CREB5: variants seen among roughly 807,000 people sequenced by gnomAD.
The protein encoded by CREB5 is cAMP responsive element binding protein 5, also known as cyclic AMP-responsive element-binding protein 5.
In CREB5, 19 loss-of-function variants were observed where a neutral mutation model predicts 57.1. The ratio of observed to expected loss-of-function variants is 0.33; its 90% CI spans 0.23 to 0.49. The LOEUF is 0.49. Among genes scored for constraint, CREB5 ranks in the 20% least tolerant of loss-of-function variants. The pLI is 0.99. For missense variants in CREB5, 579 were observed against 671.6 expected (o/e 0.86, Z 1.52); for synonymous variants, 238 against 238.3 (o/e 1.00, Z 0.01).
intron 4 of CREB5, among the ~76,000 whole-genome samples, chr7:28,541,180 G>A (rs1794195707): frequency 1.3e-5 from 2 of 152,182 alleles, no homozygotes; most frequent in African/African-American, 4.8e-5. Flanking sequence ...ATTAAATTAA[G>A]TACGGATGAG....
intron 7 of CREB5, among the ~76,000 whole-genome samples, chr7:28,790,489 A>G (rs1025792884): frequency 1.3e-4 from 20 of 152,040 alleles, no homozygotes; most frequent in African/African-American, 4.3e-4. Context: ...AAAGAAAGAA[A>G]GAGAAGGAAA....
rs1294598921 is a variant in CREB5, at chr7:28,818,046, T to C, written c.1255-25T>C. On this transcript the variant is annotated intron_variant, in intron 9 of 10. Coordinates refer to ENST00000357727, the MANE Select transcript of CREB5 (RefSeq NM_182898.4). ...TTTGTATCCTCTGGTCTTCTCAACA[T>C]GGTTTTAATACATATCTCTTTTAGA... The C allele has an allele frequency of 6.9e-6, 11 of 1,585,792 alleles. No homozygotes were observed. The African/African-American group carries it at 9.5e-5, about 14-fold the overall frequency.
At chr7:28,705,442 C>T (rs1456442257) in intron 5 of CREB5, among the ~76,000 whole-genome samples, 1 of 150,908 alleles carries the variant, frequency 6.6e-6, no homozygotes, top group East Asian at 1.9e-4. Context: ...TTTGGGGGAA[C>T]ACTTACCGCC....
chr7:28,578,557 G>T (rs1237338945), intron 5 of CREB5, among the ~76,000 whole-genome samples: 2 of 152,156 alleles, frequency 1.3e-5, no homozygotes, highest in African/African-American at 4.8e-5. Context: ...TAATAGGGCG[G>T]TGTCCCTGCG....
chr7:28,668,042 A>G (rs1799893692), intron 5 of CREB5, among the ~76,000 whole-genome samples: 1 of 152,208 alleles, frequency 6.6e-6, no homozygotes, highest in Non-Finnish European at 1.5e-5. Flanking sequence ...TGAGTACTAC[A>G]GAGTTGTATA....
intron 5 of CREB5, among the ~76,000 whole-genome samples, chr7:28,600,308 A>G (rs1340442760): frequency 6.6e-6 from 1 of 152,188 alleles, no homozygotes; most frequent in Non-Finnish European, 1.5e-5. Context: ...CTGTCCTGAC[A>G]TCTCCTCCCG....
chr7:28,401,057 G>A (rs1245872897), intron 1 of CREB5, among the ~76,000 whole-genome samples: 1 of 152,122 alleles, frequency 6.6e-6, no homozygotes, highest in Non-Finnish European at 1.5e-5. Context: ...ATTATTCTGG[G>A]TCATTATTCA....
At chr7:28,485,653 A>T (rs1791516019) in intron 1 of CREB5, among the ~76,000 whole-genome samples, 1 of 152,138 alleles carries the variant, frequency 6.6e-6, no homozygotes, top group African/African-American at 2.4e-5. Context: ...GACCTTAGGC[A>T]TGGAGCAATT....
At chr7:28,809,859 G>A (rs1336891887) in intron 9 of CREB5, among the ~76,000 whole-genome samples, 1 of 152,168 alleles carries the variant, frequency 6.6e-6, no homozygotes, top group East Asian at 1.9e-4. Flanking sequence ...CAAACCTTCA[G>A]CTGAAAAGGA....
chr7:28,304,052 A>G (rs1785144836), intron 1 of CREB5, among the ~76,000 whole-genome samples: 1 of 152,196 alleles, frequency 6.6e-6, no homozygotes, highest in African/African-American at 2.4e-5. Flanking sequence ...TCAAATGTAT[A>G]AATTAAACAG....
chr7:28,498,764 CTTGCACAACCCT>C (rs1436767768), intron 3 of CREB5, among the ~76,000 whole-genome samples: 1 of 152,190 alleles, frequency 6.6e-6, no homozygotes, highest in East Asian at 1.9e-4. Flanking sequence ...AGAGCAAAGA[CTTGCACAACCCT>C]TCGCCTGGGT....
chr7:28,375,376 G>A (rs1786803112), intron 1 of CREB5, among the ~76,000 whole-genome samples: 1 of 152,112 alleles, frequency 6.6e-6, no homozygotes, highest in South Asian at 2.1e-4. Flanking sequence ...GTGGTAGTGG[G>A]GGTTGGGGGC....
chr7:28,597,625 T>C (rs867010554), intron 5 of CREB5, among the ~76,000 whole-genome samples: 3 of 152,108 alleles, frequency 2.0e-5, no homozygotes, highest in East Asian at 3.9e-4. Flanking sequence ...TTGGACCAGA[T>C]TGAGGTGGAA....
intron 5 of CREB5, among the ~76,000 whole-genome samples, chr7:28,578,152 G>A (rs1300506428): frequency 6.6e-6 from 1 of 152,194 alleles, no homozygotes; most frequent in Non-Finnish European, 1.5e-5. Flanking sequence ...CTCTGTGTAA[G>A]CCTTGGATAA....
At chr7:28,425,447 G>A (rs1407556752) in intron 1 of CREB5, among the ~76,000 whole-genome samples, 1 of 152,102 alleles carries the variant, frequency 6.6e-6, no homozygotes, top group Non-Finnish European at 1.5e-5. Flanking sequence ...GGTGGGGTGG[G>A]GAGTTCAGGG....
intron 5 of CREB5, among the ~76,000 whole-genome samples, chr7:28,638,643 G>A (rs778567201): frequency 2.2e-4 from 34 of 151,876 alleles, no homozygotes; most frequent in Non-Finnish European, 3.4e-4. Flanking sequence ...CACCACGCCC[G>A]GTCACATTCT....
intron 1 of CREB5, among the ~76,000 whole-genome samples, chr7:28,440,000 G>A (rs1428440978): frequency 6.6e-6 from 1 of 152,170 alleles, no homozygotes; most frequent in South Asian, 2.1e-4. Context: ...TGCTTAGCTG[G>A]AACAGGCTCA....
chr7:28,644,944 A>T (rs186661278), intron 5 of CREB5, among the ~76,000 whole-genome samples: 1 of 152,170 alleles, frequency 6.6e-6, no homozygotes, highest in Non-Finnish European at 1.5e-5. Flanking sequence ...GAGGAAAGGC[A>T]TGTGAAGAGG....
At chr7:28,582,064 G>A (rs2128657461) in intron 5 of CREB5, among the ~76,000 whole-genome samples, 1 of 152,276 alleles carries the variant, frequency 6.6e-6, no homozygotes, top group Non-Finnish European at 1.5e-5. Flanking sequence ...GGGGATTTGT[G>A]GTCCTGGATA....
Sources: allele counts gnomAD v4.1 joint callset (sites outside exome capture counted in the v4.1 genomes callset), GRCh38; gene constraint gnomAD v4.1.1; transcripts MANE v1.5; gene names NCBI Gene and HGNC (gene_info 2026-07-23, HGNC 2026-07-21).